AQP9: variants seen among roughly 807,000 people sequenced by gnomAD.
The protein encoded by AQP9 is aquaporin-9.
Under a neutral mutation model 23.8 loss-of-function variants are expected in AQP9, and 19 were observed. The ratio of observed to expected loss-of-function variants is 0.80; its 90% CI spans 0.56 to 1.17. The LOEUF (loss-of-function observed/expected upper bound fraction) is 1.17, where lower values mean the gene tolerates loss of function less well. Among genes scored for constraint, AQP9 ranks in the 50% most tolerant of loss-of-function variants. The pLI is 0.00. For missense variants in AQP9, 413 were observed against 362.0 expected (o/e 1.14, Z -1.14); for synonymous variants, 153 against 131.5 (o/e 1.16, Z -1.12).
intron 1 of AQP9, chr15:58,150,363 G>T (rs1898125901): frequency 6.6e-6 from 1 of 152,582 alleles, no homozygotes; most frequent in Admixed American, 6.6e-5. Flanking sequence ...GGAATTTATG[G>T]CTCAACATTC....
At chr15:58,155,118 A>G (rs1254550854) in intron 1 of AQP9, 1 of 152,292 alleles carries the variant, frequency 6.6e-6, no homozygotes, top group African/African-American at 2.4e-5. Flanking sequence ...TTCTGGCCAT[A>G]CACTACACAT....
At chr15:58,146,344 T>A (rs1450762899) in intron 1 of AQP9, among the ~76,000 whole-genome samples, 1 of 152,170 alleles carries the variant, frequency 6.6e-6, no homozygotes, top group Non-Finnish European at 1.5e-5. Flanking sequence ...TTCAAATCTA[T>A]CTTTCAGTTC....
At chr15:58,167,422 G>A (rs1898533421) in intron 2 of AQP9, among the ~76,000 whole-genome samples, 1 of 152,212 alleles carries the variant, frequency 6.6e-6, no homozygotes, top group Admixed American at 6.5e-5. Flanking sequence ...CAGCAGCCTG[G>A]TGTGGGTCCT....
At chr15:58,160,254 G>A (rs1898347198) in intron 1 of AQP9, among the ~76,000 whole-genome samples, 1 of 95,254 alleles carries the variant, frequency 1.0e-5, no homozygotes, top group Admixed American at 1.3e-4. Context: ...TGATGCTTGA[G>A]CATTTTTTTT....
intron 4 of AQP9, among the ~76,000 whole-genome samples, chr15:58,178,757 C>T (rs1189098866): frequency 2.0e-5 from 3 of 152,192 alleles, no homozygotes; most frequent in Non-Finnish European, 2.9e-5. Flanking sequence ...ACAAGCCTTT[C>T]ATTCATTTTT....
At chr15:58,174,122 G>GA (rs201910791) in intron 3 of AQP9, among the ~76,000 whole-genome samples, 91 of 150,632 alleles carry the variant, frequency 6.0e-4, no homozygotes, top group Admixed American at 2.5e-3. Context: ...CGTCTCTTCA[G>GA]AAAAAAAAAT....
At chr15:58,139,280 A>G (rs1416641036) in intron 1 of AQP9, among the ~76,000 whole-genome samples, 1 of 152,220 alleles carries the variant, frequency 6.6e-6, no homozygotes, top group Admixed American at 6.5e-5. Flanking sequence ...ATCTCTAAAT[A>G]TCTTTGGAGA....
At chr15:58,160,309 A>G (rs1166382668) in intron 1 of AQP9, among the ~76,000 whole-genome samples, 1 of 151,150 alleles carries the variant, frequency 6.6e-6, no homozygotes, top group East Asian at 1.9e-4. Context: ...AGAAATGACT[A>G]CTCAGATCTT....
At chr15:58,166,504 TCCA>T (rs1297882807) in intron 1 of AQP9, 166 bp from the exon 2 acceptor site, 22 of 761,336 alleles carry the variant, frequency 2.9e-5, no homozygotes, top group Non-Finnish European at 3.8e-5. Context: ...CAGCCTTGGG[TCCA>T]CCATTTTGCT....
chr15:58,148,644 A>C (rs1268247936), intron 1 of AQP9, among the ~76,000 whole-genome samples: 9 of 152,338 alleles, frequency 5.9e-5, no homozygotes, highest in Middle Eastern at 3.4e-3. Flanking sequence ...TAAATGCTTC[A>C]TTCATTTCTT....
At chr15:58,175,112 G>A in intron 4 of AQP9, 76 bp downstream of exon 4, 1 of 1,285,486 alleles carries the variant, frequency 7.8e-7, no homozygotes, top group South Asian at 1.2e-5. Flanking sequence ...TGGAGAATTA[G>A]AGACCAATCA....
At position 58,155,398 on chromosome 15, in the gene AQP9, T is replaced by C. The variant is rs149552818; in HGVS notation, c.112-11275T>C. 1.1e-4 allele frequency: 16 copies of C among 152,334 alleles called. No individual in the cohort carries two copies. In the East Asian group the frequency reaches 2.7e-3, roughly 26 times the overall value. The allele number at this position is 152,334 out of a possible 1,614,324, so 9.4% of individuals were successfully genotyped here. A position where few individuals can be genotyped will look rare whatever the true frequency, so the allele number is the denominator to read the frequency against. On this transcript the variant is annotated intron_variant, in intron 1 of 5. Transcript: ENST00000219919. ...CTTCTGAGTTTTTACACACCTATTC[T>C]ACAAACCTGCTATCAGCCATTCCGT...
In AQP9 at chr15:58,183,967, A is replaced by C; in HGVS notation, c.720A>C (p.Gly240=). 1 of 1,613,966 alleles carries C rather than the reference A, an allele frequency of 6.2e-7. No individual in the cohort carries two copies. Among genetic ancestry groups the C allele is most frequent in the Non-Finnish European group, 8.5e-7 (1 of 1,179,902 alleles). ...ATTTCTTGTTTGATTTCAGAGCTGG[A>C]AACAACTTCTGGTGGATTCCTGTAG... ...AGWGFEVFRA[G]NNFWWIPVVG... is the part of the protein sequence containing the mutation. The change falls in exon 6 of 6, where the codon GGA becomes GGC. Residue 240 remains glycine, a synonymous_variant. Transcript: ENST00000219919.
At chr15:58,153,798 A>G (rs886482473) in intron 1 of AQP9, 1 of 152,188 alleles carries the variant, frequency 6.6e-6, no homozygotes, top group South Asian at 2.1e-4. Flanking sequence ...ATCATACACC[A>G]ACGCCTGAGC....
Position 58,166,701 on chromosome 15 carries a change from C to A in AQP9, c.140C>A (p.Ala47Asp). The change falls in exon 2 of 6, where the codon GCT (alanine) becomes GAT (aspartate). Residue 47 changes from alanine (A) to aspartate (D), a missense_variant. Ala to Asp is a moderately radical substitution (Grantham distance 126). Transcript: ENST00000219919. Reference sequence around the variant, plus strand: ...CTTGGATGTGGCTGTGTTGCCCAAGCTATTCTCAGTCGAGGACGTTTTGGA... The same window carrying A: ...CTTGGATGTGGCTGTGTTGCCCAAGATATTCTCAGTCGAGGACGTTTTGGA... ...IVLGCGCVAQ[A>D]ILSRGRFGGV... 1 of 1,611,934 alleles carries A rather than the reference C, an allele frequency of 6.2e-7. No homozygotes were observed.
At position 58,138,553 on chromosome 15, in the gene AQP9, G is replaced by C. The variant is rs768237483; in HGVS notation, c.-13G>C. 3.1e-6 allele frequency: 5 copies of C among 1,612,370 alleles called. No homozygotes were observed. In the South Asian group the frequency reaches 4.4e-5, roughly 14 times the overall value. ...GTATTGGTAGAAACAGGAGTCCTCA[G>C]AGAAGCCCCAAGATGCAGCCTGAGG... On this transcript the variant is annotated 5_prime_UTR_variant, in exon 1 of 6. Transcript: ENST00000219919.
intron 1 of AQP9, chr15:58,164,067 C>G (rs968018686): frequency 1.2e-4 from 18 of 152,482 alleles, no homozygotes; most frequent in African/African-American, 4.3e-4. Flanking sequence ...AACTGAAGTC[C>G]CCACATTGCT....
chr15:58,164,595 A>AT (rs1481682442), intron 1 of AQP9, among the ~76,000 whole-genome samples: 2 of 152,204 alleles, frequency 1.3e-5, no homozygotes, highest in South Asian at 2.1e-4. Context: ...GACTCAGGGG[A>AT]TTTTTTTGAA....
At chr15:58,179,626 G>A (rs1299856451) in intron 5 of AQP9, among the ~76,000 whole-genome samples, 1 of 151,938 alleles carries the variant, frequency 6.6e-6, no homozygotes, top group African/African-American at 2.4e-5. Context: ...TCCCTCAATT[G>A]CTATATGATT....
Sources: gnomAD v4.1 joint callset for allele counts (sites outside exome capture counted in the v4.1 genomes callset) on GRCh38, gnomAD v4.1.1 for gene constraint, MANE v1.5 for transcripts, NCBI Gene and HGNC (gene_info 2026-07-23, HGNC 2026-07-21) for gene names.